The following SAGE1 variants were observed in gnomAD, a reference collection of about 807,000 sequenced individuals.
SAGE1 encodes cancer/testis antigen 14.
In SAGE1, 55 loss-of-function variants were observed where a neutral mutation model predicts 55.4. That is an observed-to-expected ratio of 0.99 (90% CI 0.80 to 1.24). SAGE1 has a LOEUF of 1.24. Ranked by LOEUF, SAGE1 falls within the 50% of genes most tolerant of loss-of-function variation. The pLI is 0.00. For missense variants in SAGE1, 710 were observed against 704.4 expected, an observed-to-expected ratio of 1.01 and a Z score of -0.09; for synonymous variants, 240 against 244.3, an observed-to-expected ratio of 0.98 and a Z score of 0.17.
chrX:135,910,102 C>A lies in SAGE1; in HGVS notation c.1796C>A (p.Ser599Ter). 1 of 1,205,547 alleles carries A rather than the reference C, an allele frequency of 8.3e-7. No homozygotes were observed. The highest frequency in any genetic ancestry group is 1.1e-6 in the Non-Finnish European group (1 of 890,062). ...NGQAASDNVF[S>*]TVPPAFINMA... ...CAAGCAGCATCCGATAATGTCTTCT[C>A]GACTGTTCCACCAGCATTTATTAAT... Residue 599 changes from serine (S) to a stop codon, truncating the protein, a stop_gained, in exon 15 of 20, where the codon TCG becomes TAG. Transcript: ENST00000370709. LOFTEE classifies it high-confidence loss of function.
Position 135,907,030 on chromosome X carries a change from G to A in SAGE1, c.841G>A (p.Gly281Arg). The A allele has an allele frequency of 8.3e-7, 1 of 1,210,339 alleles. No homozygotes were observed. Among genetic ancestry groups the A allele is most frequent in the Non-Finnish European group, 1.1e-6 (1 of 894,404 alleles). The change falls in exon 8 of 20, where the codon GGA (glycine) becomes AGA (arginine). Residue 281 changes from glycine to arginine, a missense_variant. By Grantham distance (125) the Gly-to-Arg change is moderately radical. Transcript: ENST00000370709. ...TTCAACAGGGCTTATTAATGTGGCA[G>A]GAGCTGGTACTCCAGCCATCAGCAC... The part of the protein sequence containing the change: ...TASTGLINVA[G>R]AGTPAISTNG...
At chrX:135,907,122 G>A (rs1368002170) in intron 8 of SAGE1, 56 bp downstream of exon 8, 4 of 1,132,353 alleles carry the variant, frequency 3.5e-6, no homozygotes, top group Admixed American at 2.4e-5. Flanking sequence ...CGTGCATATT[G>A]TCATGAAGGG....
chrX:135,912,284 G>A (rs2088911868), intron 18 of SAGE1, 37 bp from the exon 19 acceptor site: 1 of 1,175,582 alleles, frequency 8.5e-7, no homozygotes. Flanking sequence ...TTTCATTTTT[G>A]TAATTGTAGA....
chrX:135,910,195 G>C, intron 15 of SAGE1, 25 bp downstream of exon 15: 1 of 1,184,718 alleles, frequency 8.4e-7, no homozygotes, highest in East Asian at 3.0e-5. Flanking sequence ...TTGTTGTACT[G>C]TCATACTTGG....
At chrX:135,908,452 C>T in intron 11 of SAGE1, 25 bp from the exon 12 acceptor site, 1 of 1,188,725 alleles carries the variant, frequency 8.4e-7, no homozygotes, top group Non-Finnish European at 1.1e-6. Context: ...TAACTCACAG[C>T]TCGACCTCTT....
At chrX:135,910,785 T>C (rs2088885187) in intron 16 of SAGE1, among the ~76,000 whole-genome samples, 1 of 111,119 alleles carries the variant, frequency 9.0e-6, no homozygotes, top group Non-Finnish European at 1.9e-5. Flanking sequence ...CACGGCTCAA[T>C]CTCTTCATTT....
Position 135,906,496 on chromosome X carries a change from A to G in SAGE1, c.681A>G (p.Pro227=). Residue 227 remains proline, a synonymous_variant, in exon 7 of 20, where the codon CCA becomes CCG. Transcript: ENST00000370709. The part of the protein sequence containing the change: ...APDNVLLTLR[P]RRINMTDTGI... Reference sequence around the variant, plus strand: ...ATAACGTGTTGTTGACTCTTCGACCACGGCGTATTAATATGACAGACACTG... The same window carrying G: ...ATAACGTGTTGTTGACTCTTCGACCGCGGCGTATTAATATGACAGACACTG... The G allele has an allele frequency of 8.3e-7, 1 of 1,210,788 alleles. No homozygotes were observed. Among genetic ancestry groups the G allele is most frequent in the Non-Finnish European group, 1.1e-6 (1 of 894,547 alleles).
chrX:135,904,574 T>A lies in SAGE1; in HGVS notation c.313+5T>A, dbSNP rs782289959. 1 of 1,127,041 alleles carries A rather than the reference T, an allele frequency of 8.9e-7. No individual in the cohort carries two copies. 92.9% of individuals were successfully genotyped at this position (1,127,041 alleles called of 1,213,427 possible). On this transcript the variant is annotated splice_donor_5th_base_variant and intron_variant, in intron 4 of 19. Coordinates refer to ENST00000370709, the MANE Select transcript of SAGE1 (RefSeq NM_001381902.1). Reference sequence around the variant, plus strand: ...CAACTGCTCCACCATGGCCTGGTAATATGGCAGCAGCAGGAATTTCATCCA... The same window carrying A: ...CAACTGCTCCACCATGGCCTGGTAAAATGGCAGCAGCAGGAATTTCATCCA...
chrX:135,910,606 A>G, intron 16 of SAGE1, 51 bp downstream of exon 16: 4 of 1,105,905 alleles, frequency 3.6e-6, no homozygotes, highest in Non-Finnish European at 5.0e-6. Context: ...CTAAGCAGGC[A>G]TATTTTCATG....
Position 135,908,177 on chromosome X carries a change from G to T in SAGE1, c.1248G>T (p.Glu416Asp), listed in dbSNP as rs1556603327. The T allele has an allele frequency of 8.3e-7, 1 of 1,209,576 alleles. No homozygotes were observed. Among genetic ancestry groups the T allele is most frequent in the Admixed American group, 2.2e-5 (1 of 45,967 alleles). Residue 416 changes from glutamate to aspartate, a missense_variant, in exon 11 of 20, where the codon GAG (glutamate) becomes GAT (aspartate). Transcript: ENST00000370709. Reference sequence around the variant, plus strand: ...ACGTCTTGTCAGCTGTTACACCAGAGCTTATTAACTTGGCAGGAGCTGGTA... The same window carrying T: ...ACGTCTTGTCAGCTGTTACACCAGATCTTATTAACTTGGCAGGAGCTGGTA... ...PDNVLSAVTP[E>D]LINLAGAGIP...
Position 135,907,771 on chromosome X carries a change from G to A in SAGE1, c.1089G>A (p.Leu363=). ...VNNQPLPSNA[L]STVLPGLAYL... is the part of the protein sequence containing the mutation. Reference sequence around the variant, plus strand: ...ACCAACCACTACCTAGTAACGCCTTGTCAACTGTTCTACCAGGGCTTGCTT... The same window carrying A: ...ACCAACCACTACCTAGTAACGCCTTATCAACTGTTCTACCAGGGCTTGCTT... Residue 363 remains leucine (L), a synonymous_variant, in exon 10 of 20, where the codon TTG becomes TTA. Transcript: ENST00000370709. 8.3e-6 allele frequency: 10 copies of A among 1,209,262 alleles called. No individual in the cohort carries two copies. Among genetic ancestry groups the A allele is most frequent in the Non-Finnish European group, 1.1e-5 (10 of 893,443 alleles).
chrX:135,901,835 C>T (rs1311364844), intron 3 of SAGE1, 144 bp downstream of exon 3: 6 of 565,062 alleles, frequency 1.1e-5, no homozygotes, highest in Middle Eastern at 5.9e-4. Flanking sequence ...TTGTTGCAAG[C>T]GTTAGATGAA....
intron 1 of SAGE1, among the ~76,000 whole-genome samples, chrX:135,894,065 A>ATTTT (rs781908370): frequency 5.4e-5 from 6 of 111,194 alleles, no homozygotes; most frequent in Non-Finnish European, 9.4e-5. Context: ...TTATTTATTT[A>ATTTT]TTCATTTATT....
intron 2 of SAGE1, among the ~76,000 whole-genome samples, chrX:135,901,060 G>A (rs782524650): frequency 1.9e-5 from 2 of 104,865 alleles, no homozygotes; most frequent in Non-Finnish European, 3.9e-5. Flanking sequence ...GTAGAATGGC[G>A]TGACTTGGGG....
intron 2 of SAGE1, among the ~76,000 whole-genome samples, chrX:135,898,736 A>G (rs1178656315): frequency 2.7e-5 from 3 of 112,104 alleles, no homozygotes; most frequent in Non-Finnish European, 5.6e-5. Context: ...CATTTCTCTA[A>G]TGATCAGTGA....
At chrX:135,903,953 G>A (rs1471626260) in intron 3 of SAGE1, among the ~76,000 whole-genome samples, 6 of 112,055 alleles carry the variant, frequency 5.4e-5, no homozygotes, top group African/African-American at 1.6e-4. Context: ...AGATTTCCAC[G>A]TGGTAAATCC....
chrX:135,900,923 G>A (rs1245240114), intron 2 of SAGE1, among the ~76,000 whole-genome samples: 2 of 110,309 alleles, frequency 1.8e-5, no homozygotes, highest in Non-Finnish European at 3.8e-5. Context: ...GAGGTGGGAG[G>A]ATCAGGAGGT....
chrX:135,908,818 C>G (rs2088844570), intron 12 of SAGE1, 46 bp from the exon 13 acceptor site: 1 of 1,191,593 alleles, frequency 8.4e-7, no homozygotes, highest in African/African-American at 1.7e-5. Context: ...GTGGGGTTGA[C>G]ATAATGCACG....
chrX:135,905,504 G>A (rs185730566), intron 5 of SAGE1, 112 bp downstream of exon 5: 23 of 764,427 alleles, frequency 3.0e-5, no homozygotes, highest in Admixed American at 8.9e-5. Flanking sequence ...TCAATTTGAG[G>A]GGTCTCAGAT....
Sources: allele counts gnomAD v4.1 joint callset (sites outside exome capture counted in the v4.1 genomes callset), GRCh38; gene constraint gnomAD v4.1.1; transcripts MANE v1.5; gene names NCBI Gene and HGNC (gene_info 2026-07-23, HGNC 2026-07-21).